The following CHRNA5 variants were observed in gnomAD, a reference collection of about 807,000 sequenced individuals.
The protein encoded by CHRNA5 is neuronal acetylcholine receptor subunit alpha-5.
Under a neutral mutation model 41.2 loss-of-function variants are expected in CHRNA5, and 28 were observed. The observed-to-expected ratio is 0.68, with a 90% CI of 0.50 to 0.93. The LOEUF (loss-of-function observed/expected upper bound fraction) is 0.93. CHRNA5 is among the 40% of genes least tolerant of loss of function. The pLI is 0.00. For missense variants in CHRNA5, 481 were observed against 581.9 expected (o/e 0.83, Z 1.78); for synonymous variants, 188 against 205.8 (o/e 0.91, Z 0.74).
chr15:78,571,666 A>G (rs1342515187), intron 1 of CHRNA5, among the ~76,000 whole-genome samples: 1 of 149,050 alleles, frequency 6.7e-6, no homozygotes, highest in Non-Finnish European at 1.5e-5. Flanking sequence ...ACCTAAGGTC[A>G]TTCATTTTCT....
intron 1 of CHRNA5, among the ~76,000 whole-genome samples, chr15:78,572,641 G>T (rs1354172438): frequency 6.6e-6 from 1 of 151,616 alleles, no homozygotes; most frequent in Non-Finnish European, 1.5e-5. Context: ...GCACCACCAC[G>T]CCTGGCTAAT....
Position 78,575,811 on chromosome 15 carries a change from T to C in CHRNA5, c.107-5000T>C, listed in dbSNP as rs143352083. 7.4e-4 allele frequency among the ~76,000 whole-genome samples: 113 copies of C among 152,330 alleles called. 1 individual carries two copies. The highest frequency in any genetic ancestry group is 2.6e-3 in the African/African-American group (107 of 41,584). ...ATCATATCCAAAGTTGAGTAACTTA[T>C]CTATCTTTTTGGTTATAGCCAATCC... On this transcript the variant is annotated intron_variant, in intron 1 of 5. Transcript: ENST00000299565.
intron 1 of CHRNA5, among the ~76,000 whole-genome samples, chr15:78,574,190 G>T (rs1480621464): frequency 2.0e-5 from 3 of 150,636 alleles, no homozygotes; most frequent in Admixed American, 2.0e-4. Context: ...AAACCAGCCT[G>T]ACCAACATGG....
At chr15:78,571,019 A>G (rs1048317490) in intron 1 of CHRNA5, among the ~76,000 whole-genome samples, 6 of 152,218 alleles carry the variant, frequency 3.9e-5, no homozygotes, top group African/African-American at 1.4e-4. Flanking sequence ...CTTGTTGACC[A>G]GGGCTTCTGA....
intron 4 of CHRNA5, 164 bp from the exon 5 acceptor site, chr15:78,589,641 G>C (rs1045914503): frequency 1.6e-5 from 9 of 557,682 alleles, no homozygotes; most frequent in Non-Finnish European, 2.5e-5. Flanking sequence ...GATATTCCTG[G>C]AGCAGGGTCC....
At chr15:78,579,666 T>C (rs1258306001) in intron 1 of CHRNA5, among the ~76,000 whole-genome samples, 1 of 152,212 alleles carries the variant, frequency 6.6e-6, no homozygotes, top group Non-Finnish European at 1.5e-5. Flanking sequence ...GTCTTAAACA[T>C]ACTGCAGTTC....
Position 78,595,247 on chromosome 15 carries a change from T to C in CHRNA5, c.*1994T>C, listed in dbSNP as rs1005713689. On this transcript the variant is annotated 3_prime_UTR_variant, in exon 6 of 6. Coordinates refer to ENST00000299565, the Ensembl canonical transcript of CHRNA5. ...CTACCATTACTGTTACTTATGATTT[T>C]TATATATAAATTTTTATCGACATCT... 4.1e-5 allele frequency: 40 copies of C among 974,608 alleles called. No homozygotes were observed. In the African/African-American group the frequency reaches 6.3e-4, roughly 15 times the overall value. The allele number at this position is 974,608 out of a possible 1,614,324, so 60.4% of individuals were successfully genotyped here. A position where few individuals can be genotyped will look rare whatever the true frequency, so the allele number is the denominator to read the frequency against.
At chr15:78,586,732 G>T in intron 3 of CHRNA5, 43 bp downstream of exon 3, 3 of 1,362,180 alleles carry the variant, frequency 2.2e-6, no homozygotes, top group Non-Finnish European at 3.1e-6. Context: ...TAGTGACTGG[G>T]ACACCTATTT....
At position 78,581,677 on chromosome 15, in the gene CHRNA5, A is replaced by G. The variant is rs1177143831; in HGVS notation, c.258+715A>G. On this transcript the variant is annotated intron_variant, in intron 2 of 5. Coordinates refer to ENST00000299565, the Ensembl canonical transcript of CHRNA5. ...TGCGTGATTTTTGTAGAGAATTTGG[A>G]AAGTGCAAAAAATACAAATGAGAAA... is the stretch of plus-strand genomic sequence containing the variant. Among the ~76,000 whole-genome samples the G allele has an allele frequency of 2.0e-5, 3 of 152,328 alleles. No homozygotes were observed. The East Asian group carries it at 5.8e-4, about 29-fold the overall frequency.
At position 78,585,791 on chromosome 15, in the gene CHRNA5, C is replaced by CTTCTTTTT. The variant is rs1555415936; in HGVS notation, c.259-852_259-851insCTTTTTTT. 3.8e-5 allele frequency among the ~76,000 whole-genome samples: 5 copies of CTTCTTTTT among 130,612 alleles called. 1 individual carries two copies. Among genetic ancestry groups the CTTCTTTTT allele is most frequent in the Non-Finnish European group, 7.8e-5 (5 of 63,934 alleles). The allele number at this position is 130,612 out of a possible 152,430, so 85.7% of individuals were successfully genotyped here. ...TTTTTCTTTTTCTTTTCTTTTCTTT[C>CTTCTTTTT]TTTTTTTTTTTGAGATGGAGTCTCG... On this transcript the variant is annotated intron_variant, in intron 2 of 5. Transcript: ENST00000299565.
intron 1 of CHRNA5, among the ~76,000 whole-genome samples, chr15:78,567,096 C>CA (rs1043738959): frequency 1.3e-5 from 2 of 151,446 alleles, no homozygotes; most frequent in Non-Finnish European, 1.5e-5. Context: ...ACTAAAAATA[C>CA]AAAAAAATTA....
At chr15:78,586,864 T>TTA (rs2052965700) in intron 3 of CHRNA5, among the ~76,000 whole-genome samples, 175 bp downstream of exon 3, 1 of 152,200 alleles carries the variant, frequency 6.6e-6, no homozygotes, top group South Asian at 2.1e-4. Flanking sequence ...ATGGAGTTCT[T>TTA]GTATTTATTC....
rs551304641 is a variant in CHRNA5 at position 78,578,589 on chromosome 15, G to A, written c.107-2222G>A. 2.0e-5 allele frequency among the ~76,000 whole-genome samples: 3 copies of A among 152,246 alleles called. No individual in the cohort carries two copies. In the South Asian group the frequency reaches 6.2e-4, roughly 32 times the overall value. On this transcript the variant is annotated intron_variant, in intron 1 of 5. Coordinates refer to ENST00000299565, the Ensembl canonical transcript of CHRNA5. ...GCAGGACACAAACTCTTGAGGAGTA[G>A]GTTATTTATGAAAAAGAGAACCAGG...
chr15:78,574,361 C>T (rs2052837486), intron 1 of CHRNA5, among the ~76,000 whole-genome samples: 4 of 135,376 alleles, frequency 3.0e-5, no homozygotes, highest in Admixed American at 7.9e-5. Context: ...GCCTGGCCAA[C>T]AGGAGCTAAA....
intron 1 of CHRNA5, among the ~76,000 whole-genome samples, chr15:78,566,403 G>A (rs140339604): frequency 0.014 from 2,148 of 152,298 alleles, 25 homozygotes; most frequent in Middle Eastern, 0.02. Context: ...TAGCTCCTTA[G>A]AGCACAGCTT....
In CHRNA5 at chr15:78,565,829, A is replaced by G. The variant is rs1240284413; in HGVS notation, c.106+4A>G. The G allele has an allele frequency of 5.8e-6, 7 of 1,215,542 alleles. No individual in the cohort carries two copies. The highest frequency in any genetic ancestry group is 7.2e-6 in the Non-Finnish European group (7 of 978,372). The allele number at this position is 1,215,542 out of a possible 1,614,324, so 75.3% of individuals were successfully genotyped here. On this transcript the variant is annotated splice_donor_region_variant and intron_variant, in intron 1 of 5. Coordinates refer to ENST00000299565, the Ensembl canonical transcript of CHRNA5. ...GCGGCGGGCGGCGCGCAGAGAGGTA[A>G]GCCCGGGCTGCAGAGGGGCGGGGCG...
chr15:78,576,625 T>C (rs1596058420), intron 1 of CHRNA5, among the ~76,000 whole-genome samples: 2 of 78,520 alleles, frequency 2.5e-5, no homozygotes, highest in African/African-American at 9.4e-5. Context: ...CTACAAAAAA[T>C]AAATAAATTA....
At chr15:78,581,575 GTATATGTATATTTATA>G (rs1261186865) in intron 2 of CHRNA5, among the ~76,000 whole-genome samples, 1 of 152,040 alleles carries the variant, frequency 6.6e-6, no homozygotes, top group East Asian at 1.9e-4. Context: ...AAATAACCAA[GTATATGTATATTTATA>G]TATATGTATG....
At chr15:78,572,799 GA>G (rs1199554456) in intron 1 of CHRNA5, among the ~76,000 whole-genome samples, 2 of 152,206 alleles carry the variant, frequency 1.3e-5, no homozygotes, top group East Asian at 1.9e-4. Flanking sequence ...AGTATTGAAT[GA>G]AAAAAAGTTG....
Sources: gnomAD v4.1 joint callset for allele counts (sites outside exome capture counted in the v4.1 genomes callset) on GRCh38, gnomAD v4.1.1 for gene constraint, MANE v1.5 for transcripts, NCBI Gene and HGNC (gene_info 2026-07-23, HGNC 2026-07-21) for gene names.